The following RTL10 variants were observed in gnomAD, a reference collection of about 807,000 sequenced individuals.
RTL10 encodes protein Bop.
For missense variants in RTL10, 477 were observed against 470.7 expected, an observed-to-expected ratio of 1.01 and a Z score of -0.12; for synonymous variants, 199 against 188.4, an observed-to-expected ratio of 1.06 and a Z score of -0.46.
chr22:19,848,966 G>T lies in RTL10; in HGVS notation c.*2201C>A. ...GGGTTCTACTGCCAGACCCACAGGT[G>T]AGCCAGGCCACAGTGCACTGGAGGT... On this transcript the variant is annotated 3_prime_UTR_variant, in exon 3 of 3. Coordinates refer to ENST00000328554, the MANE Select transcript of RTL10 (RefSeq NM_024627.6). 1 of 985,560 alleles carries T rather than the reference G, an allele frequency of 1.0e-6. No homozygotes were observed. Among genetic ancestry groups the T allele is most frequent in the Non-Finnish European group, 1.2e-6 (1 of 830,040 alleles). The allele number at this position is 985,560 out of a possible 1,614,324, so 61.1% of individuals were successfully genotyped here.
rs200035385 is a variant in RTL10 at position 19,851,549 on chromosome 22, A to G, written c.713T>C (p.Met238Thr). The G allele has an allele frequency of 1.2e-6, 2 of 1,613,392 alleles. No homozygotes were observed. Among genetic ancestry groups the G allele is most frequent in the Non-Finnish European group, 1.7e-6 (2 of 1,179,506 alleles). Residue 238 changes from methionine (M) to threonine (T), a missense_variant, in exon 3 of 3, where the codon ATG becomes ACG. Coordinates refer to ENST00000328554, the MANE Select transcript of RTL10 (RefSeq NM_024627.6). ...GTAPRSLPAA[M>T]ATPAVSGSNS... ...GGACCCAGACACAGCAGGGGTGGCC[A>G]TGGCGGCTGGTAAAGACCTGGGGGC... is the stretch of plus-strand genomic sequence containing the variant.
At position 19,851,361 on chromosome 22, in the gene RTL10, G is replaced by C. The variant is rs1938092346; in HGVS notation, c.901C>G (p.Pro301Ala). Residue 301 changes from proline to alanine, a missense_variant, in exon 3 of 3, where the codon CCT becomes GCT. Physicochemically the swap from Pro to Ala is conservative, Grantham distance 27. Transcript: ENST00000328554. ...GGATTAGCTGACTCCGACAGTCTAG[G>C]GACAGGTGTGGGGGCTGCCTCCTCT... ...QPEEAAPTPV[P>A]RLSESANPPA... The C allele has an allele frequency of 6.2e-7, 1 of 1,614,168 alleles. No homozygotes were observed. The highest frequency in any genetic ancestry group is 2.2e-5 in the East Asian group (1 of 44,880).
rs1265261984 is a variant in RTL10, at chr22:19,850,877, C to T, written c.*290G>A. ...ATCTGCTGAGAGTTGATCTACAAAA[C>T]GACCCCCTCGTGGGAGCAGGCCTGG... On this transcript the variant is annotated 3_prime_UTR_variant, in exon 3 of 3. Transcript: ENST00000328554. 3 of 1,328,030 alleles carry T rather than the reference C, an allele frequency of 2.3e-6. No homozygotes were observed. The highest frequency in any genetic ancestry group is 1.9e-6 in the Non-Finnish European group (2 of 1,043,596). 82.3% of individuals were successfully genotyped at this position (1,328,030 alleles called of 1,614,324 possible). A position where few individuals can be genotyped will look rare whatever the true frequency, so the allele number is the denominator to read the frequency against.
At position 19,846,515 on chromosome 22, in the gene RTL10, A is replaced by G. The variant is rs796420167; in HGVS notation, c.*4652T>C. On this transcript the variant is annotated 3_prime_UTR_variant, in exon 3 of 3. Transcript: ENST00000328554. ...ATGTGGAGACCACAGAAGCCTGCCC[A>G]ATATAGCGCTGCCAGGAACAGCAAA... 2 of 985,480 alleles carry G rather than the reference A, an allele frequency of 2.0e-6. No individual in the cohort carries two copies. Among genetic ancestry groups the G allele is most frequent in the African/African-American group, 3.5e-5 (2 of 57,370 alleles). 61.0% of individuals were successfully genotyped at this position (985,480 alleles called of 1,614,324 possible). A position where few individuals can be genotyped will look rare whatever the true frequency, so the allele number is the denominator to read the frequency against.
Position 19,850,010 on chromosome 22 carries a change from T to C in RTL10, c.*1157A>G. The stretch of plus-strand genomic sequence containing the variant: ...GGCCTCACAGCTCTGGACTGCTGCC[T>C]GGTCCTCACTTCACCTACAGCTCTC... On this transcript the variant is annotated 3_prime_UTR_variant, in exon 3 of 3. Coordinates refer to ENST00000328554, the MANE Select transcript of RTL10 (RefSeq NM_024627.6). 1 of 985,656 alleles carries C rather than the reference T, an allele frequency of 1.0e-6. No homozygotes were observed. Among genetic ancestry groups the C allele is most frequent in the Non-Finnish European group, 1.2e-6 (1 of 830,136 alleles). The allele number at this position is 985,656 out of a possible 1,614,324, so 61.1% of individuals were successfully genotyped here.
At position 19,851,180 on chromosome 22, in the gene RTL10, G is replaced by C. The variant is rs765978017; in HGVS notation, c.1082C>G (p.Ser361Cys). The C allele has an allele frequency of 8.2e-6, 13 of 1,590,146 alleles. No individual in the cohort carries two copies. Among genetic ancestry groups the C allele is most frequent in the South Asian group, 5.7e-5 (5 of 88,004 alleles). ...APETPGEPPL[S>C]PGF ...CCTGGGCTGTGTTCAGAACCCAGGAGAAAGTGGTGGCTCTCCTGGGGTCTC... is the reference window on the plus strand; with the variant it reads ...CCTGGGCTGTGTTCAGAACCCAGGACAAAGTGGTGGCTCTCCTGGGGTCTC... The change falls in exon 3 of 3, where the codon TCT (serine) becomes TGT (cysteine). Residue 361 changes from serine to cysteine, a missense_variant. Ser to Cys is a moderately radical substitution (Grantham distance 112). Coordinates refer to ENST00000328554, the MANE Select transcript of RTL10 (RefSeq NM_024627.6).
chr22:19,849,385 T>TTTTG lies in RTL10; in HGVS notation c.*1781_*1782insCAAA. On this transcript the variant is annotated 3_prime_UTR_variant, in exon 3 of 3. Coordinates refer to ENST00000328554, the MANE Select transcript of RTL10 (RefSeq NM_024627.6). ...TTGTTTTTTGTTGTTTTTTTTTTTT[T>TTTTG]GGGATGGAGTTTCACTCTTGTTGTC... The TTTTG allele has an allele frequency of 3.7e-5, 28 of 762,190 alleles. No homozygotes were observed. The highest frequency in any genetic ancestry group is 6.0e-5 in the South Asian group (1 of 16,738). The allele number at this position is 762,190 out of a possible 1,614,324, so 47.2% of individuals were successfully genotyped here. A position where few individuals can be genotyped will look rare whatever the true frequency, so the allele number is the denominator to read the frequency against.
Position 19,850,683 on chromosome 22 carries a change from A to G in RTL10, c.*484T>C. The G allele has an allele frequency of 8.1e-7, 1 of 1,231,368 alleles. No homozygotes were observed. Among genetic ancestry groups the G allele is most frequent in the African/African-American group, 1.5e-5 (1 of 64,534 alleles). The allele number at this position is 1,231,368 out of a possible 1,614,324, so 76.3% of individuals were successfully genotyped here. ...CTTCCTCACATTCCAGCTGGGACAG[A>G]AGTCACAGGGAGCAGAGAGGGTGGG... On this transcript the variant is annotated 3_prime_UTR_variant, in exon 3 of 3. Transcript: ENST00000328554.
rs544633079 is a variant in RTL10, at chr22:19,847,047, T to A, written c.*4120A>T. On this transcript the variant is annotated 3_prime_UTR_variant, in exon 3 of 3. Coordinates refer to ENST00000328554, the MANE Select transcript of RTL10 (RefSeq NM_024627.6). ...CACCCCAGCCCATAGGATGATCAGC[T>A]GCTGCCGTCCTATGGAACTCAGGTG... 1 of 985,366 alleles carries A rather than the reference T, an allele frequency of 1.0e-6. No individual in the cohort carries two copies. 61.0% of individuals were successfully genotyped at this position (985,366 alleles called of 1,614,324 possible). A position where few individuals can be genotyped will look rare whatever the true frequency, so the allele number is the denominator to read the frequency against.
rs1234276542 is a variant in RTL10 at position 19,848,939 on chromosome 22, C to A, written c.*2228G>T. ...AGGCTGTCCATCCTAGAGAGCAACT[C>A]TGGGTTCTACTGCCAGACCCACAGG... On this transcript the variant is annotated 3_prime_UTR_variant, in exon 3 of 3. Transcript: ENST00000328554. 3.0e-6 allele frequency: 3 copies of A among 985,500 alleles called. No individual in the cohort carries two copies. The African/African-American group carries it at 5.2e-5, about 17-fold the overall frequency. 61.0% of individuals were successfully genotyped at this position (985,500 alleles called of 1,614,324 possible). A position where few individuals can be genotyped will look rare whatever the true frequency, so the allele number is the denominator to read the frequency against.
At position 19,851,795 on chromosome 22, in the gene RTL10, G is replaced by A; in HGVS notation, c.467C>T (p.Pro156Leu). Residue 156 changes from proline to leucine, a missense_variant, in exon 3 of 3, where the codon CCC (proline) becomes CTC (leucine). Coordinates refer to ENST00000328554, the MANE Select transcript of RTL10 (RefSeq NM_024627.6). ...LTGRAQAWAA[P>L]YLDGDLPLPD... ...CAGGGGCAGGTCCCCATCAAGGTAG[G>A]GGGCTGCCCAGGCCTGGGCTCGGCC... The A allele has an allele frequency of 1.2e-6, 2 of 1,614,060 alleles. No individual in the cohort carries two copies. The highest frequency in any genetic ancestry group is 1.3e-5 in the African/African-American group (1 of 75,072).
At position 19,853,884 on chromosome 22, in the gene RTL10, G is replaced by A. The variant is rs192950117; in HGVS notation, c.-226+559C>T. On this transcript the variant is annotated intron_variant, in intron 2 of 2. Transcript: ENST00000328554. ...GGCCCAGCTCCCACCACCAGCCAAG[G>A]TTAGGTATCCAGGTTGCCCACAATG... Among the ~76,000 whole-genome samples the A allele has an allele frequency of 1.7e-4, 26 of 152,326 alleles. No individual in the cohort carries two copies. In the East Asian group the frequency reaches 4.6e-3, roughly 27 times the overall value.
Position 19,847,721 on chromosome 22 carries a change from C to T in RTL10, c.*3446G>A. The T allele has an allele frequency of 2.0e-6, 2 of 981,868 alleles. No individual in the cohort carries two copies. Among genetic ancestry groups the T allele is most frequent in the Non-Finnish European group, 1.2e-6 (1 of 829,378 alleles). 60.8% of individuals were successfully genotyped at this position (981,868 alleles called of 1,614,324 possible). Reference sequence around the variant, plus strand: ...GGTCAAATTATATTATTGTGTATTCCCACCAACAGTATGAGAAGGTCCACT... The same window carrying T: ...GGTCAAATTATATTATTGTGTATTCTCACCAACAGTATGAGAAGGTCCACT... On this transcript the variant is annotated 3_prime_UTR_variant, in exon 3 of 3. Transcript: ENST00000328554.
At chr22:19,854,578 G>C (rs898617845) in intron 1 of RTL10, 39 bp from the exon 2 acceptor site, 1 of 152,680 alleles carries the variant, frequency 6.5e-6, no homozygotes, top group African/African-American at 2.4e-5. Context: ...CGTGAGGCCA[G>C]GCAAGGAGCG....
rs1230996689 is a variant in RTL10 at position 19,852,253 on chromosome 22, A to G, written c.9T>C (p.Arg3=). Residue 3 remains arginine (R), a synonymous_variant, in exon 3 of 3, where the codon CGT becomes CGC. Transcript: ENST00000328554. ...GAGGGCCCTGCTGACGGCACCGGCC[A>G]CGAGGCATGCTGGGAGCACAGGGGA... is the stretch of plus-strand genomic sequence containing the variant. The part of the protein sequence containing the change: MP[R]GRCRQQGPRI... 1 of 1,604,140 alleles carries G rather than the reference A, an allele frequency of 6.2e-7. No homozygotes were observed. Among genetic ancestry groups the G allele is most frequent in the East Asian group, 2.2e-5 (1 of 44,816 alleles).
At position 19,849,775 on chromosome 22, in the gene RTL10, G is replaced by A. The variant is rs10372; in HGVS notation, c.*1392C>T. 141,650 of 984,764 alleles carry A rather than the reference G, an allele frequency of 0.14. 11,735 individuals carry two copies. The highest frequency in any genetic ancestry group is 0.35 in the African/African-American group (20,193 of 57,228). The allele number at this position is 984,764 out of a possible 1,614,324, so 61.0% of individuals were successfully genotyped here. ...TTTTCTTCCTACTTTCCAGGAAGGT[G>A]TTGTTTTGTTGTTTTCACAATTGTA... is the stretch of plus-strand genomic sequence containing the variant. On this transcript the variant is annotated 3_prime_UTR_variant, in exon 3 of 3. Coordinates refer to ENST00000328554, the MANE Select transcript of RTL10 (RefSeq NM_024627.6).
In RTL10 at chr22:19,847,507, ACT is replaced by A. The variant is rs892609578; in HGVS notation, c.*3658_*3659del. The A allele has an allele frequency of 1.8e-5, 18 of 985,184 alleles. No individual in the cohort carries two copies. The African/African-American group carries it at 3.1e-4, about 17-fold the overall frequency. The allele number at this position is 985,184 out of a possible 1,614,324, so 61.0% of individuals were successfully genotyped here. A position where few individuals can be genotyped will look rare whatever the true frequency, so the allele number is the denominator to read the frequency against. ...CCTTCTAACCACCCCATGAGGAAAA[ACT>A]CTGGTCACAGCTCAAAAAGGTCAGG... On this transcript the variant is annotated 3_prime_UTR_variant, in exon 3 of 3. Transcript: ENST00000328554.
rs1337824751 is a variant in RTL10 at position 19,850,554 on chromosome 22, C to A, written c.*613G>T. The A allele has an allele frequency of 2.7e-6, 3 of 1,111,532 alleles. No homozygotes were observed. Among genetic ancestry groups the A allele is most frequent in the Non-Finnish European group, 3.3e-6 (3 of 911,330 alleles). The allele number at this position is 1,111,532 out of a possible 1,614,324, so 68.9% of individuals were successfully genotyped here. On this transcript the variant is annotated 3_prime_UTR_variant, in exon 3 of 3. Coordinates refer to ENST00000328554, the MANE Select transcript of RTL10 (RefSeq NM_024627.6). ...CCCACCTTCCTGCATCCAAACCTTC[C>A]AGCTGCCCAGAACTGCTGGTAATCC...
Position 19,848,923 on chromosome 22 carries a change from A to G in RTL10, c.*2244T>C. The stretch of plus-strand genomic sequence containing the variant: ...GGTCAGCTGGGTGACTAGGCTGTCC[A>G]TCCTAGAGAGCAACTCTGGGTTCTA... On this transcript the variant is annotated 3_prime_UTR_variant, in exon 3 of 3. Coordinates refer to ENST00000328554, the MANE Select transcript of RTL10 (RefSeq NM_024627.6). 2.0e-6 allele frequency: 2 copies of G among 985,508 alleles called. No homozygotes were observed. Among genetic ancestry groups the G allele is most frequent in the Non-Finnish European group, 2.4e-6 (2 of 829,990 alleles). The allele number at this position is 985,508 out of a possible 1,614,324, so 61.0% of individuals were successfully genotyped here.
Sources: allele counts gnomAD v4.1 joint callset (sites outside exome capture counted in the v4.1 genomes callset), GRCh38; gene constraint gnomAD v4.1.1; transcripts MANE v1.5; gene names NCBI Gene and HGNC (gene_info 2026-07-23, HGNC 2026-07-21).